TSHZ2: variants seen among roughly 807,000 people sequenced by gnomAD.
TSHZ2 encodes the protein teashirt homolog 2.
In TSHZ2, 21 loss-of-function variants were observed where a neutral mutation model predicts 74.4. The ratio of observed to expected loss-of-function variants is 0.28; its 90% confidence interval spans 0.20 to 0.41. The LOEUF (loss-of-function observed/expected upper bound fraction) is 0.41, where lower values mean the gene tolerates loss of function less well. Among genes scored for constraint, TSHZ2 ranks in the 10% least tolerant of loss-of-function variants. TSHZ2 has a pLI of 1.00. For synonymous variants in TSHZ2, 540 were observed against 515.3 expected (o/e 1.05, Z -0.65); for missense variants, 1,244 against 1,293.5 (o/e 0.96, Z 0.59).
At chr20:53,396,572 A>G (rs1192869284) in intron 2 of TSHZ2, among the ~76,000 whole-genome samples, 2 of 152,020 alleles carry the variant, frequency 1.3e-5, no homozygotes, top group African/African-American at 4.8e-5. Context: ...GAGACCAGGT[A>G]TGGGTGGCTC....
chr20:53,045,517 G>A (rs1467847960), intron 1 of TSHZ2, among the ~76,000 whole-genome samples: 1 of 152,188 alleles, frequency 6.6e-6, no homozygotes, highest in Non-Finnish European at 1.5e-5. Flanking sequence ...TAGTGACTCC[G>A]TTTAGACGAG....
chr20:53,206,989 A>C (rs1310980198), intron 1 of TSHZ2, among the ~76,000 whole-genome samples: 4 of 152,098 alleles, frequency 2.6e-5, no homozygotes, highest in Non-Finnish European at 5.9e-5. Flanking sequence ...CATCCATTTC[A>C]GTTTGCGGTG....
intron 2 of TSHZ2, among the ~76,000 whole-genome samples, chr20:53,410,666 T>C (rs2145696608): frequency 6.7e-6 from 1 of 150,144 alleles, no homozygotes; most frequent in East Asian, 1.9e-4. Flanking sequence ...TCCATGGTAT[T>C]GATCATAAGC....
chr20:53,261,926 C>T (rs567045640), intron 2 of TSHZ2, among the ~76,000 whole-genome samples: 2 of 152,266 alleles, frequency 1.3e-5, no homozygotes, highest in South Asian at 4.2e-4. Flanking sequence ...AAATAAAGAG[C>T]TAAATTGTGT....
chr20:53,316,956 C>T (rs1168694749), intron 2 of TSHZ2, among the ~76,000 whole-genome samples: 2 of 151,908 alleles, frequency 1.3e-5, no homozygotes, highest in Non-Finnish European at 2.9e-5. Flanking sequence ...GCCTACAATC[C>T]CACCATTAAT....
At chr20:53,091,820 G>C (rs1349261804) in intron 1 of TSHZ2, among the ~76,000 whole-genome samples, 3 of 152,102 alleles carry the variant, frequency 2.0e-5, no homozygotes, top group Non-Finnish European at 4.4e-5. Flanking sequence ...GAGATTGGAG[G>C]ATCACTAGAA....
intron 2 of TSHZ2, among the ~76,000 whole-genome samples, chr20:53,450,066 A>G (rs1308272306): frequency 2.0e-5 from 3 of 152,278 alleles, no homozygotes; most frequent in Non-Finnish European, 4.4e-5. Flanking sequence ...ACATCAATGA[A>G]TGAACATATC....
chr20:53,092,443 C>A (rs747802780), intron 1 of TSHZ2, among the ~76,000 whole-genome samples: 34 of 152,158 alleles, frequency 2.2e-4, no homozygotes, highest in Non-Finnish European at 4.7e-4. Context: ...GACAAAGAAG[C>A]TGTGTGGGTT....
chr20:53,306,126 G>T (rs888595439), intron 2 of TSHZ2, among the ~76,000 whole-genome samples: 15 of 152,108 alleles, frequency 9.9e-5, no homozygotes, highest in African/African-American at 2.9e-4. Context: ...TGGCTCTTTT[G>T]GCCTCATCCC....
In TSHZ2 at chr20:53,221,339, A is replaced by G. The variant is rs146864866; in HGVS notation, c.41-32160A>G. 4.5e-3 allele frequency among the ~76,000 whole-genome samples: 690 copies of G among 152,300 alleles called. 9 individuals carry two copies. Among genetic ancestry groups the G allele is most frequent in the African/African-American group, 0.016 (654 of 41,558 alleles). ...GAGCTAATACAATGAGCACTCATCA[A>G]TCTGGATTTTCATGTGAAATCTCAA... On this transcript the variant is annotated intron_variant, in intron 1 of 2. Coordinates refer to ENST00000371497, the MANE Select transcript of TSHZ2 (RefSeq NM_173485.6).
intron 2 of TSHZ2, among the ~76,000 whole-genome samples, chr20:53,319,633 G>A (rs1979168460): frequency 6.6e-6 from 1 of 152,244 alleles, no homozygotes; most frequent in South Asian, 2.1e-4. Flanking sequence ...GGCTGAGAGT[G>A]GAATGGAGCA....
At chr20:53,251,734 T>G (rs570766694) in intron 1 of TSHZ2, among the ~76,000 whole-genome samples, 1 of 152,368 alleles carries the variant, frequency 6.6e-6, no homozygotes, top group African/African-American at 2.4e-5. Context: ...TTTACGGTAT[T>G]CTGTCACTAA....
intron 1 of TSHZ2, among the ~76,000 whole-genome samples, chr20:53,065,108 C>T (rs1422925379): frequency 1.3e-5 from 2 of 152,178 alleles, no homozygotes; most frequent in African/African-American, 2.4e-5. Flanking sequence ...AACCTCACTG[C>T]GCCTCATTCG....
At chr20:53,064,963 G>GTC (rs1984933953) in intron 1 of TSHZ2, among the ~76,000 whole-genome samples, 1 of 152,178 alleles carries the variant, frequency 6.6e-6, no homozygotes, top group South Asian at 2.1e-4. Flanking sequence ...CATGTTAATA[G>GTC]ACCTATTTGA....
Position 53,256,762 on chromosome 20 carries a change from T to G in TSHZ2, c.*8+191T>G, listed in dbSNP as rs1173116098. Among the ~76,000 whole-genome samples the G allele has an allele frequency of 6.6e-6, 1 of 152,254 alleles. No individual in the cohort carries two copies. Among genetic ancestry groups the G allele is most frequent in the Non-Finnish European group, 1.5e-5 (1 of 68,046 alleles). Reference sequence around the variant, plus strand: ...AATCATTCTCTTAAGTCCTCTAGTTTAGAGCTGGGAACTAGAATAAAACGG... The same window carrying G: ...AATCATTCTCTTAAGTCCTCTAGTTGAGAGCTGGGAACTAGAATAAAACGG... On this transcript the variant is annotated intron_variant, in intron 2 of 2. Coordinates refer to ENST00000371497, the MANE Select transcript of TSHZ2 (RefSeq NM_173485.6). The surrounding 1 kb of genome is among the most constrained non-coding windows in gnomAD (Gnocchi z 4.3).
At chr20:53,019,980 C>A (rs767685670) in intron 1 of TSHZ2, among the ~76,000 whole-genome samples, 3 of 152,130 alleles carry the variant, frequency 2.0e-5, no homozygotes, top group Non-Finnish European at 4.4e-5. Context: ...AAGAAACTTA[C>A]AATCATGGTG....
At chr20:53,153,162 G>T (rs1987713765) in intron 1 of TSHZ2, among the ~76,000 whole-genome samples, 1 of 152,192 alleles carries the variant, frequency 6.6e-6, no homozygotes, top group Non-Finnish European at 1.5e-5. Flanking sequence ...TTAGGAAGTT[G>T]ATAAGAGAGA....
At chr20:53,347,803 T>C (rs773420272) in intron 2 of TSHZ2, among the ~76,000 whole-genome samples, 32 of 152,228 alleles carry the variant, frequency 2.1e-4, no homozygotes, top group Non-Finnish European at 4.1e-4. Context: ...CTTTTTTTAC[T>C]TTAATTATGG....
intron 1 of TSHZ2, among the ~76,000 whole-genome samples, chr20:52,981,833 T>G (rs928293588): frequency 7.9e-5 from 12 of 152,228 alleles, no homozygotes; most frequent in Admixed American, 5.9e-4. Context: ...TACCACGTGC[T>G]TTATATGTTT....
Sources: gnomAD v4.1 joint callset for allele counts (sites outside exome capture counted in the v4.1 genomes callset) on GRCh38, gnomAD v4.1.1 for gene constraint, Gnocchi (gnomAD v3.1) non-coding constraint, MANE v1.5 for transcripts, NCBI Gene and HGNC (gene_info 2026-07-23, HGNC 2026-07-21) for gene names.